UBAC2: variants seen among roughly 807,000 people sequenced by gnomAD.
The protein encoded by UBAC2 is ubiquitin-associated domain-containing protein 2.
Under a neutral mutation model 44.0 loss-of-function variants are expected in UBAC2, and 26 were observed. That is an observed-to-expected ratio of 0.59 (90% confidence interval 0.43 to 0.82). The LOEUF is 0.82. UBAC2 is among the 40% of genes least tolerant of loss of function. The probability of loss-of-function intolerance (pLI) is 0.00; values close to 1 mark genes in which losing one functional copy is unlikely to be tolerated. For missense variants in UBAC2, 329 were observed against 419.4 expected (o/e 0.78, Z 1.88); for synonymous variants, 155 against 154.3 (o/e 1.00, Z -0.04).
chr13:99,354,186 G>A (rs2045140960), intron 7 of UBAC2, among the ~76,000 whole-genome samples: 1 of 152,196 alleles, frequency 6.6e-6, no homozygotes, highest in Non-Finnish European at 1.5e-5. Context: ...AGTTGCCCAA[G>A]GAGCTCATAT....
At position 99,203,196 on chromosome 13, in the gene UBAC2, C is replaced by T. The variant is rs1286169827; in HGVS notation, c.31+2257C>T. Reference sequence around the variant, plus strand: ...GGATTACAGGTGCCCACCATCACACCTGGCTATTTTTGTATTTTTAGTAGA... The same window carrying T: ...GGATTACAGGTGCCCACCATCACACTTGGCTATTTTTGTATTTTTAGTAGA... On this transcript the variant is annotated intron_variant, in intron 1 of 8. Coordinates refer to ENST00000403766, the MANE Select transcript of UBAC2 (RefSeq NM_001144072.2). 6.6e-5 allele frequency among the ~76,000 whole-genome samples: 10 copies of T among 152,156 alleles called. No homozygotes were observed. The East Asian group carries it at 1.9e-3, about 29-fold the overall frequency.
At chr13:99,361,908 A>T (rs1036745289) in intron 7 of UBAC2, among the ~76,000 whole-genome samples, 7 of 152,174 alleles carry the variant, frequency 4.6e-5, no homozygotes, top group Non-Finnish European at 8.8e-5. Flanking sequence ...GAGATGGAAG[A>T]TTGCTTGGGT....
intron 4 of UBAC2, among the ~76,000 whole-genome samples, chr13:99,279,163 C>G (rs912378370): frequency 6.6e-6 from 1 of 152,016 alleles, no homozygotes. Context: ...CCCTTTATCT[C>G]CCCTGCTTTT....
chr13:99,243,812 T>G lies in UBAC2; in HGVS notation c.160-20T>G. 1 of 1,548,928 alleles carries G rather than the reference T, an allele frequency of 6.5e-7. No individual in the cohort carries two copies. The highest frequency in any genetic ancestry group is 8.7e-7 in the Non-Finnish European group (1 of 1,146,932). On this transcript the variant is annotated intron_variant, in intron 2 of 8. Transcript: ENST00000403766. The stretch of plus-strand genomic sequence containing the variant: ...CAAATTTTACTCTTGTTTATTGTTC[T>G]TTTTTAAATCCCCATCTAGATTTGG...
chr13:99,239,982 C>T (rs915711687), intron 2 of UBAC2, among the ~76,000 whole-genome samples: 7 of 152,064 alleles, frequency 4.6e-5, no homozygotes, highest in Non-Finnish European at 7.3e-5. Context: ...TGTTAATTAG[C>T]AATGAAGAGA....
At chr13:99,237,566 G>T (rs776288248) in intron 1 of UBAC2, among the ~76,000 whole-genome samples, 1 of 152,192 alleles carries the variant, frequency 6.6e-6, no homozygotes, top group Non-Finnish European at 1.5e-5. Flanking sequence ...GTGTTCAGTA[G>T]GTCAGGAGCG....
intron 8 of UBAC2, among the ~76,000 whole-genome samples, chr13:99,369,728 A>T (rs2045380844): frequency 6.6e-6 from 1 of 152,236 alleles, no homozygotes; most frequent in Admixed American, 6.5e-5. Context: ...ATTCTACAGA[A>T]GAGAAATTGG....
chr13:99,255,153 C>G (rs1002833847), intron 4 of UBAC2: 6 of 1,614,132 alleles, frequency 3.7e-6, no homozygotes, highest in South Asian at 2.2e-5. Context: ...AGACGAGCAC[C>G]TGCACCAGCA....
Position 99,368,688 on chromosome 13 carries a change from A to AGTGTGTGTGTGTGTGT in UBAC2, c.927+805_927+820dup, listed in dbSNP as rs35193753. On this transcript the variant is annotated intron_variant, in intron 8 of 8. Transcript: ENST00000403766. ...CACTATCATCGTAAACTCATGAGAGAGTGTGTGTGTGTGTGTGTGTGTGTG... is the reference window on the plus strand; with the variant it reads ...CACTATCATCGTAAACTCATGAGAGAGTGTGTGTGTGTGTGTGTGTGTGTGTGTGTGTGTGTGTGTG... Among the ~76,000 whole-genome samples the AGTGTGTGTGTGTGTGT allele has an allele frequency of 4.4e-3, 644 of 146,674 alleles. 5 individuals carry two copies. Among genetic ancestry groups the AGTGTGTGTGTGTGTGT allele is most frequent in the African/African-American group, 0.011 (448 of 39,416 alleles).
At chr13:99,269,359 G>A (rs1037631467) in intron 4 of UBAC2, among the ~76,000 whole-genome samples, 1 of 152,190 alleles carries the variant, frequency 6.6e-6, no homozygotes, top group Non-Finnish European at 1.5e-5. Context: ...TTCCCAGGAT[G>A]TTCTGTGCAG....
intron 7 of UBAC2, among the ~76,000 whole-genome samples, chr13:99,345,899 C>T (rs2044971571): frequency 6.6e-6 from 1 of 151,954 alleles, no homozygotes; most frequent in Non-Finnish European, 1.5e-5. Flanking sequence ...CTCACCACCA[C>T]ATCCGGCTAA....
Position 99,295,024 on chromosome 13 carries a change from C to G in UBAC2, c.390-19073C>G. The stretch of plus-strand genomic sequence containing the variant: ...GGGAAGTCCTGCAAAGTTTGTCATA[C>G]AGTTTACGTCACTATAAACCAAAAT... On this transcript the variant is annotated intron_variant, in intron 4 of 8. Transcript: ENST00000403766. The surrounding 1 kb of genome is among the most constrained non-coding windows in gnomAD (Gnocchi z 4.1). 1.9e-6 allele frequency: 3 copies of G among 1,565,468 alleles called. No individual in the cohort carries two copies. The highest frequency in any genetic ancestry group is 2.6e-6 in the Non-Finnish European group (3 of 1,157,314).
At position 99,340,412 on chromosome 13, in the gene UBAC2, T is replaced by C. The variant is rs1263554296; in HGVS notation, c.654T>C (p.Leu218=). The C allele has an allele frequency of 6.2e-7, 1 of 1,614,238 alleles. No individual in the cohort carries two copies. The highest frequency in any genetic ancestry group is 8.5e-7 in the Non-Finnish European group (1 of 1,180,046). ...TGGCAAAATTCTTTTCTTGGACACT[T>C]GAACCCATCTTCTCTTCTTCAGAAC... ...SWMAKFFSWT[L]EPIFSSSEPT... The change falls in exon 7 of 9, where the codon CTT becomes CTC. Residue 218 remains leucine (L), a synonymous_variant. Transcript: ENST00000403766.
At chr13:99,344,491 C>T (rs2044942318) in intron 7 of UBAC2, among the ~76,000 whole-genome samples, 1 of 152,114 alleles carries the variant, frequency 6.6e-6, no homozygotes, top group Admixed American at 6.5e-5. Context: ...CAATCTCATG[C>T]TGTGTATTTC....
At chr13:99,375,748 G>A (rs2045471051) in intron 8 of UBAC2, among the ~76,000 whole-genome samples, 2 of 150,114 alleles carry the variant, frequency 1.3e-5, no homozygotes, top group Admixed American at 1.3e-4. Context: ...TGAATTGCAA[G>A]TAAAATACCA....
At chr13:99,347,329 C>CCCT (rs1566514498) in intron 7 of UBAC2, among the ~76,000 whole-genome samples, 1 of 85,408 alleles carries the variant, frequency 1.2e-5, no homozygotes, top group African/African-American at 3.3e-5. Context: ...GCCCCCCCCC[C>CCCT]CCCCCAGGAA....
At chr13:99,313,987 C>A (rs2044450025) in intron 4 of UBAC2, 110 bp from the exon 5 acceptor site, 3 of 1,052,874 alleles carry the variant, frequency 2.8e-6, no homozygotes, top group South Asian at 1.7e-5. Context: ...TATCTAAGAC[C>A]ATGCTTTCAG....
intron 1 of UBAC2, among the ~76,000 whole-genome samples, chr13:99,237,361 C>T (rs2043249247): frequency 6.6e-6 from 1 of 151,372 alleles, no homozygotes; most frequent in African/African-American, 2.4e-5. Flanking sequence ...ATGGATGGAA[C>T]TAGAAGACAT....
At chr13:99,315,740 TATTA>T (rs1418371545) in intron 5 of UBAC2, among the ~76,000 whole-genome samples, 3 of 152,200 alleles carry the variant, frequency 2.0e-5, no homozygotes, top group Non-Finnish European at 2.9e-5. Context: ...AATTGGTTAC[TATTA>T]ATTAATAATT....
Sources: gnomAD v4.1 joint callset for allele counts (sites outside exome capture counted in the v4.1 genomes callset) on GRCh38, gnomAD v4.1.1 for gene constraint, Gnocchi (gnomAD v3.1) non-coding constraint, MANE v1.5 for transcripts, NCBI Gene and HGNC (gene_info 2026-07-23, HGNC 2026-07-21) for gene names.